MIA2: variants seen among roughly 807,000 people sequenced by gnomAD.
MIA2 encodes MIA SH3 domain ER export factor 2.
In MIA2, 127 loss-of-function variants were observed where a neutral mutation model predicts 167.8. The ratio of observed to expected loss-of-function variants is 0.76; its 90% confidence interval spans 0.66 to 0.88. The LOEUF (loss-of-function observed/expected upper bound fraction) is 0.88, where lower values mean the gene tolerates loss of function less well. Ranked by LOEUF, MIA2 falls within the 40% of genes least tolerant of loss-of-function variation. The pLI is 0.00. For synonymous variants in MIA2, 552 were observed against 541.9 expected (o/e 1.02, Z -0.26); for missense variants, 1,690 against 1,624.7 (o/e 1.04, Z -0.69).
At chr14:39,332,585 A>G (rs1405421381) in intron 25 of MIA2, among the ~76,000 whole-genome samples, 1 of 152,016 alleles carries the variant, frequency 6.6e-6, no homozygotes, top group Non-Finnish European at 1.5e-5. Context: ...TTTATTTACC[A>G]TTGGTCTTTG....
chr14:39,235,379 T>G (rs975104935), intron 1 of MIA2, among the ~76,000 whole-genome samples: 1 of 152,224 alleles, frequency 6.6e-6, no homozygotes, highest in Non-Finnish European at 1.5e-5. Flanking sequence ...GTTATTAGTA[T>G]AAACATAAAT....
intron 1 of MIA2, among the ~76,000 whole-genome samples, chr14:39,235,474 T>G (rs1056553715): frequency 5.9e-5 from 9 of 152,182 alleles, no homozygotes; most frequent in South Asian, 2.1e-4. Context: ...TTACTAGATG[T>G]TTTATTATCA....
chr14:39,340,757 T>C (rs769210921), intron 25 of MIA2, among the ~76,000 whole-genome samples: 1 of 152,204 alleles, frequency 6.6e-6, no homozygotes, highest in African/African-American at 2.4e-5. Context: ...TTTAGGAATA[T>C]ATATATCTTA....
At chr14:39,374,065 CAG>C (rs55802916) in intron 23 of MIA2, among the ~76,000 whole-genome samples, 39,610 of 151,904 alleles carry the variant, frequency 0.26, 5,367 homozygotes, top group East Asian at 0.5. Flanking sequence ...AGTATGTTAA[CAG>C]ATAAATAAAT....
rs139003424 is a variant in MIA2 at position 39,342,807 on chromosome 14, A to G, written c.3656-3097A>G. On this transcript the variant is annotated intron_variant, in intron 25 of 28. Coordinates refer to ENST00000640607, the MANE Select transcript of MIA2 (RefSeq NM_001329214.4). Reference sequence around the variant, plus strand: ...TTACCTTCCTCTCCTAGAAGCAGCTATTCATGAGTTTAGCGTGTGTAAACT... The same window carrying G: ...TTACCTTCCTCTCCTAGAAGCAGCTGTTCATGAGTTTAGCGTGTGTAAACT... Among the ~76,000 whole-genome samples the G allele has an allele frequency of 7.1e-3, 1,076 of 152,320 alleles. 10 individuals carry two copies. Among genetic ancestry groups the G allele is most frequent in the African/African-American group, 0.02 (824 of 41,584 alleles).
At chr14:39,369,577 T>C (rs961826853) in intron 23 of MIA2, among the ~76,000 whole-genome samples, 6 of 152,224 alleles carry the variant, frequency 3.9e-5, no homozygotes, top group Non-Finnish European at 7.3e-5. Context: ...AACCTAATCC[T>C]CTCTGCTCCT....
intron 23 of MIA2, chr14:39,386,794 G>C: frequency 1.8e-6 from 2 of 1,104,354 alleles, no homozygotes; most frequent in Non-Finnish European, 2.8e-6. Context: ...CTAAGTGATA[G>C]ATTAGTGTCA....
Position 39,247,783 on chromosome 14 carries a change from A to G in MIA2, c.1209A>G (p.Glu403=). The change falls in exon 4 of 29, where the codon GAA becomes GAG. Residue 403 remains glutamate (E), a synonymous_variant. Transcript: ENST00000640607. The stretch of plus-strand genomic sequence containing the variant: ...TTATGTTAGATGACAGGAAAAATGA[A>G]GAAGATGGTGGGGCAGATGAACATG... ...DKIMLDDRKN[E]EDGGADEHEH... 6.2e-7 allele frequency: 1 copy of G among 1,613,644 alleles called. No individual in the cohort carries two copies. Among genetic ancestry groups the G allele is most frequent in the Non-Finnish European group, 8.5e-7 (1 of 1,179,938 alleles).
intron 18 of MIA2, among the ~76,000 whole-genome samples, chr14:39,312,431 T>C (rs1428756629): frequency 6.6e-6 from 1 of 152,258 alleles, no homozygotes; most frequent in Non-Finnish European, 1.5e-5. Context: ...GTGTGTAGAA[T>C]ACAAAATATT....
chr14:39,300,971 TAC>T (rs1288067281), intron 14 of MIA2, among the ~76,000 whole-genome samples: 27 of 145,576 alleles, frequency 1.9e-4, no homozygotes, highest in East Asian at 8.1e-4. Flanking sequence ...TACACATATA[TAC>T]ACATATATAC....
chr14:39,381,317 A>G (rs549584660), intron 23 of MIA2, among the ~76,000 whole-genome samples: 3 of 152,314 alleles, frequency 2.0e-5, no homozygotes, highest in East Asian at 3.9e-4. Flanking sequence ...ATTCTAGGAG[A>G]GAAAGAAAGC....
At chr14:39,367,165 C>A (rs2074839292) in intron 23 of MIA2, among the ~76,000 whole-genome samples, 1 of 152,182 alleles carries the variant, frequency 6.6e-6, no homozygotes, top group African/African-American at 2.4e-5. Context: ...TGGGGGCAGC[C>A]TCCCTTGTGT....
At chr14:39,262,028 C>A (rs949184030) in intron 6 of MIA2, among the ~76,000 whole-genome samples, 1 of 152,126 alleles carries the variant, frequency 6.6e-6, no homozygotes, top group Non-Finnish European at 1.5e-5. Context: ...GCTTTTGTTG[C>A]CATTGCTTTT....
intron 6 of MIA2, chr14:39,267,520 A>G (rs1308379727): frequency 1.9e-6 from 3 of 1,613,548 alleles, no homozygotes; most frequent in Non-Finnish European, 2.5e-6. Flanking sequence ...GGAGCTACGC[A>G]GGGTGAGCCC....
chr14:39,386,270 G>A (rs1308041492), intron 23 of MIA2: 2 of 1,439,216 alleles, frequency 1.4e-6, no homozygotes, highest in Non-Finnish European at 2.0e-6. Flanking sequence ...TAACTCAGTC[G>A]GTAATTTCTC....
intron 25 of MIA2, among the ~76,000 whole-genome samples, chr14:39,338,730 A>C (rs1335532615): frequency 1.3e-5 from 2 of 152,196 alleles, no homozygotes; most frequent in Non-Finnish European, 2.9e-5. Context: ...TGTTAAGAAA[A>C]AACACAAAAG....
chr14:39,277,182 G>C (rs2058122090), intron 7 of MIA2, 117 bp downstream of exon 7: 15 of 1,348,716 alleles, frequency 1.1e-5, no homozygotes, highest in Non-Finnish European at 9.9e-6. Context: ...TAGGGATTCA[G>C]AGGTTTTTGT....
chr14:39,242,774 C>T (rs1175018840), intron 3 of MIA2, among the ~76,000 whole-genome samples: 4 of 151,990 alleles, frequency 2.6e-5, no homozygotes, highest in Non-Finnish European at 5.9e-5. Flanking sequence ...TCTTTGCATC[C>T]AAGAAGTTTG....
rs553259089 is a variant in MIA2 at position 39,255,377 on chromosome 14, G to A, written c.1887+2206G>A. 4.6e-5 allele frequency among the ~76,000 whole-genome samples: 7 copies of A among 152,150 alleles called. 1 individual carries two copies. The South Asian group carries it at 1.2e-3, about 27-fold the overall frequency. Reference sequence around the variant, plus strand: ...ACAAAAATTAGCTGGGCGTGGTGGCGCGCATCTATAATCCCAGCTACTTGA... The same window carrying A: ...ACAAAAATTAGCTGGGCGTGGTGGCACGCATCTATAATCCCAGCTACTTGA... On this transcript the variant is annotated intron_variant, in intron 6 of 28. Coordinates refer to ENST00000640607, the MANE Select transcript of MIA2 (RefSeq NM_001329214.4).
Sources: allele counts gnomAD v4.1 joint callset (sites outside exome capture counted in the v4.1 genomes callset), GRCh38; gene constraint gnomAD v4.1.1; transcripts MANE v1.5; gene names NCBI Gene and HGNC (gene_info 2026-07-23, HGNC 2026-07-21).